The following DLG3 variants were observed in gnomAD, a reference collection of about 807,000 sequenced individuals.
DLG3 encodes the protein discs large MAGUK scaffold protein 3.
In DLG3, 1 loss-of-function variant was observed where a neutral mutation model predicts 64.1. The ratio of observed to expected loss-of-function variants is 0.02; its 90% CI spans 0.01 to 0.07. DLG3 has a LOEUF of 0.07. DLG3 is among the 10% of genes least tolerant of loss of function. The pLI is 1.00. For missense variants in DLG3, 429 were observed against 669.5 expected (o/e 0.64, Z 3.96); for synonymous variants, 245 against 259.8 (o/e 0.94, Z 0.55).
intron 9 of DLG3, among the ~76,000 whole-genome samples, chrX:70,458,915 T>G (rs1339598932): frequency 1.8e-5 from 2 of 112,506 alleles, no homozygotes; most frequent in Non-Finnish European, 3.8e-5. Flanking sequence ...TTTAAACAAC[T>G]GGCTCTTGGC....
intron 10 of DLG3, among the ~76,000 whole-genome samples, chrX:70,488,310 G>A (rs1406635962): frequency 8.9e-6 from 1 of 111,793 alleles, no homozygotes; most frequent in Non-Finnish European, 1.9e-5. Context: ...GCACCCGGCC[G>A]ATAATTAGCT....
intron 9 of DLG3, 66 bp from the exon 10 acceptor site, chrX:70,479,084 C>G: frequency 9.8e-7 from 1 of 1,021,435 alleles, no homozygotes; most frequent in Non-Finnish European, 1.4e-6. Context: ...TGGCTGCTGG[C>G]ATGCAAGCTC....
At chrX:70,493,386 C>T (rs373513837) in intron 12 of DLG3, 15 of 1,199,390 alleles carry the variant, frequency 1.3e-5, no homozygotes, top group Admixed American at 4.4e-5. Flanking sequence ...TCGATCAAAA[C>T]GAAACGTAAA....
rs1393664859 is a variant in DLG3 at position 70,451,913 on chromosome X, G to C, written c.1032G>C (p.Leu344=). ...ACCACATAAGCCATAATTCCAGCCTGGGTTATCTCGGGGCTGTGGAGAGCA... is the reference window on the plus strand; with the variant it reads ...ACCACATAAGCCATAATTCCAGCCTCGGTTATCTCGGGGCTGTGGAGAGCA... ...ADNHISHNSS[L]GYLGAVESKV... The change falls in exon 7 of 19, where the codon CTG becomes CTC. Residue 344 remains leucine, a synonymous_variant. Coordinates refer to ENST00000374360, the MANE Select transcript of DLG3 (RefSeq NM_021120.4). 8.3e-7 allele frequency: 1 copy of C among 1,211,388 alleles called. No homozygotes were observed. Among genetic ancestry groups the C allele is most frequent in the East Asian group, 3.0e-5 (1 of 33,824 alleles).
intron 18 of DLG3, among the ~76,000 whole-genome samples, chrX:70,501,544 C>T (rs753804101): frequency 1.2e-4 from 13 of 110,318 alleles, no homozygotes; most frequent in East Asian, 2.8e-4. Context: ...AAGGCAGTGC[C>T]GAATCCATTC....
chrX:70,452,205 G>A, intron 7 of DLG3, 179 bp downstream of exon 7: 1 of 1,084,674 alleles, frequency 9.2e-7, no homozygotes, highest in Non-Finnish European at 1.2e-6. Context: ...GAGAGGGACA[G>A]AAGTGGCTGC....
chrX:70,453,424 C>G, intron 7 of DLG3: 1 of 463,739 alleles, frequency 2.2e-6, no homozygotes, highest in Non-Finnish European at 3.5e-6. Flanking sequence ...TGCAAGCCCT[C>G]GGGAAGAAGG....
intron 14 of DLG3, 45 bp downstream of exon 14, chrX:70,498,615 C>T (rs760572168): frequency 5.3e-6 from 6 of 1,137,909 alleles, no homozygotes; most frequent in Non-Finnish European, 7.2e-6. Context: ...GTCTCCTGGT[C>T]GTGGGGCTCA....
Position 70,499,878 on chromosome X carries a change from T to C in DLG3, c.1974T>C (p.His658=). ...AAAGCATTTCCTTTCTTCCTTCAGA[T>C]ACTACCCGGCCTCGACGTGATAATG... ...FPHKFGSCVP[H]TTRPRRDNEV... Residue 658 remains histidine, a splice_region_variant and synonymous_variant, in exon 16 of 19, where the codon CAT becomes CAC. Transcript: ENST00000374360. 8.3e-7 allele frequency: 1 copy of C among 1,205,157 alleles called. No homozygotes were observed. Among genetic ancestry groups the C allele is most frequent in the Non-Finnish European group, 1.1e-6 (1 of 892,150 alleles).
At chrX:70,501,908 A>G (rs776587215) in intron 18 of DLG3, among the ~76,000 whole-genome samples, 2 of 111,443 alleles carry the variant, frequency 1.8e-5, no homozygotes, top group Non-Finnish European at 3.8e-5. Context: ...ATTACTACTT[A>G]GTCTCACTGT....
At chrX:70,491,962 G>C in intron 10 of DLG3, 145 bp from the exon 11 acceptor site, 1 of 577,919 alleles carries the variant, frequency 1.7e-6, no homozygotes. Flanking sequence ...CAGAAAGAAG[G>C]ATGTGGTCTC....
intron 9 of DLG3, among the ~76,000 whole-genome samples, chrX:70,456,697 A>G (rs1022835632): frequency 9.0e-6 from 1 of 111,453 alleles, no homozygotes; most frequent in African/African-American, 3.3e-5. Flanking sequence ...ACCCCAATCA[A>G]TCTTACTTCC....
chrX:70,484,750 C>T (rs2087224696), intron 10 of DLG3, among the ~76,000 whole-genome samples: 1 of 111,532 alleles, frequency 9.0e-6, no homozygotes, highest in Non-Finnish European at 1.9e-5. Context: ...CTAATTGGTC[C>T]TTGAATGCCT....
chrX:70,453,900 C>A, intron 8 of DLG3, 107 bp downstream of exon 8: 1 of 808,407 alleles, frequency 1.2e-6, no homozygotes, highest in Non-Finnish European at 1.7e-6. Context: ...GAAGGGAGGG[C>A]TAAGGACTGG....
chrX:70,499,049 T>C, intron 14 of DLG3, 127 bp from the exon 15 acceptor site: 1 of 501,383 alleles, frequency 2.0e-6, no homozygotes, highest in Non-Finnish European at 3.5e-6. Flanking sequence ...AGCCAGACAA[T>C]GTCTGAGGAT....
chrX:70,445,058 C>A lies in DLG3; in HGVS notation c.-144C>A, dbSNP rs2086550686. ...CCCCAGGCCCCGCTCAGCCCGGGCGCCCCCACGGGTGCCCCCCCCTTCTTG... is the reference window on the plus strand; with the variant it reads ...CCCCAGGCCCCGCTCAGCCCGGGCGACCCCACGGGTGCCCCCCCCTTCTTG... On this transcript the variant is annotated 5_prime_UTR_variant, in exon 1 of 19. Coordinates refer to ENST00000374360, the MANE Select transcript of DLG3 (RefSeq NM_021120.4). 4.9e-6 allele frequency: 2 copies of A among 411,684 alleles called. No homozygotes were observed. Among genetic ancestry groups the A allele is most frequent in the African/African-American group, 5.3e-5 (2 of 37,485 alleles). The allele number at this position is 411,684 out of a possible 1,213,427, so 33.9% of individuals were successfully genotyped here.
At chrX:70,474,247 C>A (rs2147829700) in intron 9 of DLG3, among the ~76,000 whole-genome samples, 1 of 111,927 alleles carries the variant, frequency 8.9e-6, no homozygotes, top group African/African-American at 3.2e-5. Flanking sequence ...GAAAGCTTTT[C>A]AAATAAGAAT....
intron 9 of DLG3, among the ~76,000 whole-genome samples, chrX:70,473,432 T>C (rs2087005286): frequency 9.0e-6 from 1 of 111,274 alleles, no homozygotes; most frequent in Non-Finnish European, 1.9e-5. Flanking sequence ...AGTCACCCTA[T>C]TAGTCTCTCT....
intron 9 of DLG3, among the ~76,000 whole-genome samples, chrX:70,468,109 G>A (rs1314941120): frequency 2.7e-5 from 3 of 111,038 alleles, no homozygotes; most frequent in East Asian, 2.8e-4. Context: ...TCACTCTGTC[G>A]CCCAGGCTGG....
Sources: allele counts gnomAD v4.1 joint callset (sites outside exome capture counted in the v4.1 genomes callset), GRCh38; gene constraint gnomAD v4.1.1; transcripts MANE v1.5; gene names NCBI Gene and HGNC (gene_info 2026-07-23, HGNC 2026-07-21).